The following ASAP3 variants were observed in gnomAD, a reference collection of about 807,000 sequenced individuals.
ASAP3 encodes the protein arf-GAP with SH3 domain, ANK repeat and PH domain-containing protein 3.
ASAP3 carries 85 observed loss-of-function variants against 118.2 expected under a neutral mutation model. The ratio of observed to expected loss-of-function variants is 0.72; its 90% CI spans 0.60 to 0.86. The LOEUF (loss-of-function observed/expected upper bound fraction) is 0.86, where lower values mean the gene tolerates loss of function less well. Among genes scored for constraint, ASAP3 ranks in the 40% least tolerant of loss-of-function variants. ASAP3 has a pLI of 0.00. For missense variants in ASAP3, 1,026 were observed against 1,175.0 expected (o/e 0.87, Z 1.85); for synonymous variants, 432 against 477.4 (o/e 0.90, Z 1.24).
intron 17 of ASAP3, 30 bp from the exon 18 acceptor site, chr1:23,434,648 C>G (rs1361431575): frequency 1.3e-6 from 2 of 1,586,464 alleles, no homozygotes; most frequent in East Asian, 4.5e-5. Context: ...TCTGAGATTC[C>G]CCCCCCAGTG....
chr1:23,481,443 C>G (rs1490629729), intron 1 of ASAP3, among the ~76,000 whole-genome samples: 1 of 152,176 alleles, frequency 6.6e-6, no homozygotes, highest in African/African-American at 2.4e-5. Context: ...ACAATATAAT[C>G]GCAAAATATA....
intron 1 of ASAP3, among the ~76,000 whole-genome samples, chr1:23,472,880 C>T (rs1328229358): frequency 6.6e-6 from 1 of 152,160 alleles, no homozygotes; most frequent in Admixed American, 6.5e-5. Flanking sequence ...ATTCACAGAT[C>T]AGAAAACTGA....
At chr1:23,482,770 A>C (rs1642349622) in intron 1 of ASAP3, among the ~76,000 whole-genome samples, 1 of 151,988 alleles carries the variant, frequency 6.6e-6, no homozygotes, top group Admixed American at 6.6e-5. Flanking sequence ...AACACGGTGA[A>C]ACCCCGTCTC....
chr1:23,450,761 A>C (rs972617763), intron 5 of ASAP3, among the ~76,000 whole-genome samples: 25 of 152,214 alleles, frequency 1.6e-4, no homozygotes, highest in African/African-American at 5.8e-4. Flanking sequence ...ATGCAAGAGA[A>C]AACAAAATTT....
At chr1:23,431,994 G>C (rs1246923653) in intron 22 of ASAP3, 76 bp from the exon 23 acceptor site, 1 of 1,220,386 alleles carries the variant, frequency 8.2e-7, no homozygotes, top group African/African-American at 1.6e-5. Context: ...AGCAGTCTCT[G>C]GCCTCTAGGA....
At chr1:23,461,719 C>T (rs74062720) in intron 1 of ASAP3, among the ~76,000 whole-genome samples, 5,348 of 152,142 alleles carry the variant, frequency 0.035, 280 homozygotes, top group African/African-American at 0.12. Flanking sequence ...CAAGGGTACC[C>T]TCTGTCACCC....
chr1:23,441,422 A>G lies in ASAP3; in HGVS notation c.799T>C (p.Ser267Pro). The part of the protein sequence containing the change: ...ELQKLTQLRD[S>P]LRGTLQLESR... ...TCAAGCTGCAGTGTCCCTCGGAGGG[A>G]GTCCCGGAGCTGGGTCAGCTTCTGT... is the stretch of plus-strand genomic sequence containing the variant. Residue 267 changes from serine (S) to proline (P), a missense_variant, in exon 9 of 25, where the codon TCC becomes CCC. By Grantham distance (74) the Ser-to-Pro change is moderately conservative (BLOSUM62 -1). Coordinates refer to ENST00000336689, the MANE Select transcript of ASAP3 (RefSeq NM_017707.4). 2 of 1,614,066 alleles carry G rather than the reference A, an allele frequency of 1.2e-6. No homozygotes were observed. The highest frequency in any genetic ancestry group is 2.2e-5 in the East Asian group (1 of 44,880).
chr1:23,478,822 T>C (rs1449274427), intron 1 of ASAP3, among the ~76,000 whole-genome samples: 2 of 152,142 alleles, frequency 1.3e-5, no homozygotes, highest in African/African-American at 4.8e-5. Context: ...AAAGGGGTTC[T>C]TCTATACCTG....
chr1:23,431,867 C>G lies in ASAP3; in HGVS notation c.2375G>C (p.Ser792Thr), dbSNP rs1293342577. ...GGAGGAGGAGGCTGGACTGCCCAGGCTCTCAGGGGTCTCAGGGGCCTCTGA... is the reference window on the plus strand; with the variant it reads ...GGAGGAGGAGGCTGGACTGCCCAGGGTCTCAGGGGTCTCAGGGGCCTCTGA... ...LSSEAPETPE[S>T]LGSPASSSSL... The change falls in exon 23 of 25, where the codon AGC becomes ACC. Residue 792 changes from serine to threonine, a missense_variant. Physicochemically the swap from Ser to Thr is moderately conservative, Grantham distance 58 (BLOSUM62 1). Transcript: ENST00000336689. 1 of 1,603,606 alleles carries G rather than the reference C, an allele frequency of 6.2e-7. No individual in the cohort carries two copies. The highest frequency in any genetic ancestry group is 2.2e-5 in the East Asian group (1 of 44,800).
At position 23,482,604 on chromosome 1, in the gene ASAP3, T is replaced by A. The variant is rs920878947; in HGVS notation, c.129+1401A>T. 3.3e-5 allele frequency among the ~76,000 whole-genome samples: 5 copies of A among 151,922 alleles called. No individual in the cohort carries two copies. In the South Asian group the frequency reaches 1.0e-3, roughly 32 times the overall value. Reference sequence around the variant, plus strand: ...CCCATTCCACAGATGACAGGACAGGTCACATGCCCACGTTCACCCAAATGG... The same window carrying A: ...CCCATTCCACAGATGACAGGACAGGACACATGCCCACGTTCACCCAAATGG... On this transcript the variant is annotated intron_variant, in intron 1 of 24. Transcript: ENST00000336689.
intron 1 of ASAP3, among the ~76,000 whole-genome samples, chr1:23,483,054 T>A (rs1162476843): frequency 6.7e-6 from 1 of 149,846 alleles, no homozygotes; most frequent in East Asian, 1.9e-4. Flanking sequence ...GACTCCGAGA[T>A]GGAGGGTCAC....
At position 23,473,974 on chromosome 1, in the gene ASAP3, C is replaced by CTTTTTTTTTTTTTTTTTTTTTT. The variant is rs10664798; in HGVS notation, c.129+10009_129+10030dup. On this transcript the variant is annotated intron_variant, in intron 1 of 24. Transcript: ENST00000336689. ...AGGCGAAAATGGCATTAAATCTGCT[C>CTTTTTTTTTTTTTTTTTTTTTT]TTTTTTTTTTTTTTTTTTTTTTTTG... Among the ~76,000 whole-genome samples, 12 of 72,108 alleles carry CTTTTTTTTTTTTTTTTTTTTTT rather than the reference C, an allele frequency of 1.7e-4. 1 individual carries two copies. Among genetic ancestry groups the CTTTTTTTTTTTTTTTTTTTTTT allele is most frequent in the African/African-American group, 8.2e-4 (12 of 14,716 alleles). The allele number at this position is 72,108 out of a possible 152,430, so 47.3% of individuals were successfully genotyped here.
intron 3 of ASAP3, among the ~76,000 whole-genome samples, chr1:23,454,420 A>G (rs932049389): frequency 6.6e-6 from 1 of 152,128 alleles, no homozygotes; most frequent in African/African-American, 2.4e-5. Context: ...CTCTGACCTC[A>G]AGTGATCCGC....
chr1:23,430,990 G>A (rs377500808), intron 24 of ASAP3, 45 bp downstream of exon 24: 18 of 1,483,944 alleles, frequency 1.2e-5, no homozygotes, highest in Non-Finnish European at 1.4e-5. Flanking sequence ...CTGCCTCCCA[G>A]GCACCCTGCC....
At chr1:23,450,393 A>G (rs1641175705) in intron 5 of ASAP3, among the ~76,000 whole-genome samples, 1 of 152,216 alleles carries the variant, frequency 6.6e-6, no homozygotes, top group Non-Finnish European at 1.5e-5. Flanking sequence ...AGATGGCCAC[A>G]ATGTATTTTT....
chr1:23,453,922 AT>A (rs1641302779), intron 3 of ASAP3, among the ~76,000 whole-genome samples: 1 of 152,168 alleles, frequency 6.6e-6, no homozygotes, highest in South Asian at 2.1e-4. Flanking sequence ...CCCTGGTACA[AT>A]GTCCACTAGA....
chr1:23,438,877 C>T lies in ASAP3; in HGVS notation c.1015-43G>A, dbSNP rs756336108. ...CGGAGGATGTATGCATTACCTCTGG[C>T]CCTCCACATTCTTTAGGCCTCCATT... On this transcript the variant is annotated intron_variant, in intron 11 of 24. Transcript: ENST00000336689. This position sits in a 1 kb window ranked among gnomAD's most constrained non-coding sequence, Gnocchi z 4.9. The T allele has an allele frequency of 6.3e-7, 1 of 1,585,394 alleles. No individual in the cohort carries two copies.
rs377056535 is a variant in ASAP3, at chr1:23,429,806, A to G, written c.*50T>C. 4.7e-4 allele frequency: 736 copies of G among 1,573,626 alleles called. No homozygotes were observed. The highest frequency in any genetic ancestry group is 6.2e-4 in the Non-Finnish European group (709 of 1,151,228). On this transcript the variant is annotated 3_prime_UTR_variant, in exon 25 of 25. Coordinates refer to ENST00000336689, the MANE Select transcript of ASAP3 (RefSeq NM_017707.4). ...CCCCAGTTTTGTGAGCTCAAGTCCCAGCTCTGAACATTGGGGCCTAGCATG... is the reference window on the plus strand; with the variant it reads ...CCCCAGTTTTGTGAGCTCAAGTCCCGGCTCTGAACATTGGGGCCTAGCATG...
chr1:23,428,641 A>G lies in ASAP3; in HGVS notation c.*1215T>C, dbSNP rs1285494122. ...AATGAAACCAGACACTGGGGGCTCA[A>G]AAGACAACCCTGTTCCTGTGGGAAC... On this transcript the variant is annotated 3_prime_UTR_variant, in exon 25 of 25. Transcript: ENST00000336689. 6.6e-6 allele frequency: 1 copy of G among 152,476 alleles called. No individual in the cohort carries two copies. The highest frequency in any genetic ancestry group is 1.5e-5 in the Non-Finnish European group (1 of 68,154). 9.4% of individuals were successfully genotyped at this position (152,476 alleles called of 1,614,324 possible). A position where few individuals can be genotyped will look rare whatever the true frequency, so the allele number is the denominator to read the frequency against.
Sources: allele counts gnomAD v4.1 joint callset (sites outside exome capture counted in the v4.1 genomes callset), GRCh38; gene constraint gnomAD v4.1.1; non-coding constraint Gnocchi (gnomAD v3.1); transcripts MANE v1.5; gene names NCBI Gene and HGNC (gene_info 2026-07-23, HGNC 2026-07-21).